MYH7B: variants seen among roughly 807,000 people sequenced by gnomAD.
MYH7B encodes myosin heavy chain 7B.
In MYH7B, 205 loss-of-function variants were observed where a neutral mutation model predicts 234.5. The observed-to-expected ratio is 0.87, with a 90% CI of 0.78 to 0.98. MYH7B has a LOEUF of 0.98. MYH7B is among the 50% of genes least tolerant of loss of function. The pLI is 0.00. For missense variants in MYH7B, 2,652 were observed against 2,633.4 expected (o/e 1.01, Z -0.15); for synonymous variants, 1,193 against 1,105.0 (o/e 1.08, Z -1.58).
chr20:34,973,902 G>A (rs1415806349), intron 2 of MYH7B, among the ~76,000 whole-genome samples: 3 of 150,012 alleles, frequency 2.0e-5, no homozygotes, highest in Admixed American at 6.6e-5. Flanking sequence ...GGGATTACAG[G>A]CACACGCCAC....
chr20:34,998,174 C>A (rs971817411), intron 32 of MYH7B, 121 bp from the exon 33 acceptor site: 11 of 1,209,164 alleles, frequency 9.1e-6, no homozygotes, highest in Non-Finnish European at 1.3e-5. Context: ...GCTCTGCTCT[C>A]CCTTTGATTC....
chr20:34,999,959 G>A (rs2082339386), intron 38 of MYH7B, 53 bp downstream of exon 38: 1 of 1,500,462 alleles, frequency 6.7e-7, no homozygotes. Flanking sequence ...GGGGAGGGAA[G>A]CAGTGTGTAC....
chr20:34,991,192 A>G, intron 24 of MYH7B, 71 bp downstream of exon 24: 1 of 1,050,850 alleles, frequency 9.5e-7, no homozygotes, highest in Non-Finnish European at 1.4e-6. Flanking sequence ...CACACATATC[A>G]GAGCCCAACA....
intron 2 of MYH7B, among the ~76,000 whole-genome samples, chr20:34,961,763 C>T (rs542856910): frequency 5.9e-5 from 9 of 152,224 alleles, no homozygotes; most frequent in Non-Finnish European, 1.2e-4. Context: ...CCTTTTGTAA[C>T]TAGCATCTTT....
At chr20:34,985,256 C>A in intron 13 of MYH7B, 127 bp downstream of exon 13, 1 of 851,244 alleles carries the variant, frequency 1.2e-6, no homozygotes. Context: ...CCCCTGGCTG[C>A]TGCCCAGCTC....
At chr20:34,990,714 T>A (rs1266508983) in intron 22 of MYH7B, 24 bp from the exon 23 acceptor site, 9 of 1,612,316 alleles carry the variant, frequency 5.6e-6, no homozygotes. Context: ...TTTGTGCCTT[T>A]CCCTCACTCT....
rs553792188 is a variant in MYH7B, at chr20:35,001,518, G to A, written c.5668G>A (p.Glu1890Lys). The A allele has an allele frequency of 9.3e-6, 15 of 1,607,890 alleles. No homozygotes were observed. The highest frequency in any genetic ancestry group is 8.5e-5 in the Admixed American group (5 of 59,002). The change falls in exon 43 of 45, where the codon GAG (glutamate) becomes AAG (lysine). Residue 1890 changes from glutamate (E) to lysine (K), a missense_variant. Coordinates refer to ENST00000262873, the Ensembl canonical transcript of MYH7B. ...GGTCAAGAGCTACAAGCGCCAGTTT[G>A]AGGAGGCGGTGAGTGCGCTGGGGCC... is the stretch of plus-strand genomic sequence containing the variant.
At chr20:34,963,667 C>A (rs914026560) in intron 2 of MYH7B, among the ~76,000 whole-genome samples, 2 of 152,168 alleles carry the variant, frequency 1.3e-5, no homozygotes, top group African/African-American at 2.4e-5. Flanking sequence ...TCGAAGGTCA[C>A]AAAGATTTAC....
chr20:34,987,497 T>C (rs1187283080), intron 16 of MYH7B, 60 bp from the exon 17 acceptor site: 2 of 1,486,134 alleles, frequency 1.3e-6, no homozygotes, highest in South Asian at 1.2e-5. Flanking sequence ...GCTGAGGCAG[T>C]AGAGCCCCTG....
At chr20:34,978,566 G>A (rs773765010) in intron 5 of MYH7B, among the ~76,000 whole-genome samples, 8 of 152,174 alleles carry the variant, frequency 5.3e-5, no homozygotes, top group Non-Finnish European at 1.0e-4. Context: ...AATAGGCAGT[G>A]TGTACCGAAT....
At chr20:35,000,101 CTCTG>C (rs1249529784) in intron 38 of MYH7B, among the ~76,000 whole-genome samples, 188 bp from the exon 39 acceptor site, 1 of 152,174 alleles carries the variant, frequency 6.6e-6, no homozygotes. Flanking sequence ...GTCAGTCCAC[CTCTG>C]TCTGCCTGGG....
chr20:34,988,372 G>GT, intron 19 of MYH7B, 110 bp downstream of exon 19: 1 of 1,232,272 alleles, frequency 8.1e-7, no homozygotes, highest in Non-Finnish European at 1.1e-6. Flanking sequence ...ATGGAAGCGT[G>GT]TGACTGTGCG....
At chr20:34,980,002 T>G (rs2081919123) in intron 7 of MYH7B, 198 bp downstream of exon 7, 95 of 537,928 alleles carry the variant, frequency 1.8e-4, no homozygotes, top group Middle Eastern at 5.4e-4. Flanking sequence ...GGGGCGGGGC[T>G]GGAGGTTGGG....
At chr20:34,997,209 G>A in intron 31 of MYH7B, 36 bp downstream of exon 31, 4 of 1,552,864 alleles carry the variant, frequency 2.6e-6, no homozygotes, top group Middle Eastern at 4.3e-4. Flanking sequence ...CCTGGGGTCA[G>A]AGGCCCACAG....
At chr20:34,966,263 A>G (rs1186689164) in intron 2 of MYH7B, among the ~76,000 whole-genome samples, 1 of 152,222 alleles carries the variant, frequency 6.6e-6, no homozygotes, top group Non-Finnish European at 1.5e-5. Context: ...CGGTTCATCA[A>G]ACTGTGGCGC....
Position 34,987,432 on chromosome 20 carries a change from CTT to C in MYH7B, c.1148-123_1148-122del. 2.1e-6 allele frequency: 3 copies of C among 1,404,318 alleles called. No individual in the cohort carries two copies. In the South Asian group the frequency reaches 3.9e-5, roughly 18 times the overall value. 87.0% of individuals were successfully genotyped at this position (1,404,318 alleles called of 1,614,324 possible). A position where few individuals can be genotyped will look rare whatever the true frequency, so the allele number is the denominator to read the frequency against. On this transcript the variant is annotated intron_variant, in intron 16 of 44. Coordinates refer to ENST00000262873, the Ensembl canonical transcript of MYH7B. The stretch of plus-strand genomic sequence containing the variant: ...GCTCCAAACCCTTACCCTCCTGAGG[CTT>C]TGTTTGCTAGCCCTGAACTTGACCC...
chr20:34,956,808 A>G (rs944150647), intron 1 of MYH7B, among the ~76,000 whole-genome samples: 2 of 152,186 alleles, frequency 1.3e-5, no homozygotes, highest in Non-Finnish European at 2.9e-5. Flanking sequence ...TAATCCCAGC[A>G]CTTTGAGAGG....
intron 8 of MYH7B, 29 bp from the exon 9 acceptor site, chr20:34,981,004 A>T: frequency 3.1e-6 from 5 of 1,614,026 alleles, no homozygotes; most frequent in Non-Finnish European, 4.2e-6. Context: ...ACCTTGGCTG[A>T]CTTCTCTATC....
chr20:34,999,215 C>T (rs1223082651), exon 36 of MYH7B: 3 of 1,611,630 alleles, frequency 1.9e-6, no homozygotes, highest in Non-Finnish European at 2.5e-6. Context: ...CTGCGCTGGA[C>T]AAGAAGCAGC....
Sources: allele counts gnomAD v4.1 joint callset (sites outside exome capture counted in the v4.1 genomes callset), GRCh38; gene constraint gnomAD v4.1.1; transcripts MANE v1.5; gene names NCBI Gene and HGNC (gene_info 2026-07-23, HGNC 2026-07-21).